The following MAGI1 variants were observed in gnomAD, a reference collection of about 807,000 sequenced individuals.
The protein encoded by MAGI1 is membrane-associated guanylate kinase, WW and PDZ domain-containing protein 1.
A neutral mutation model predicts 139.9 loss-of-function variants in MAGI1; 58 were observed. The ratio of observed to expected loss-of-function variants is 0.41; its 90% CI spans 0.34 to 0.52. MAGI1 has a LOEUF of 0.52. Ranked by LOEUF, MAGI1 falls within the 20% of genes least tolerant of loss-of-function variation. The probability of loss-of-function intolerance (pLI) is 0.12; values close to 1 mark genes in which losing one functional copy is unlikely to be tolerated. For synonymous variants in MAGI1, 812 were observed against 737.9 expected, an observed-to-expected ratio of 1.10 and a Z score of -1.63; for missense variants, 1,874 against 1,901.6, an observed-to-expected ratio of 0.99 and a Z score of 0.27.
intron 5 of MAGI1, among the ~76,000 whole-genome samples, chr3:65,463,086 C>T (rs1949926563): frequency 6.6e-6 from 1 of 152,224 alleles, no homozygotes; most frequent in Non-Finnish European, 1.5e-5. Context: ...TTGACTTCCT[C>T]TCTTCCTATC....
At chr3:65,936,613 T>C (rs921464789) in intron 1 of MAGI1, among the ~76,000 whole-genome samples, 1 of 151,652 alleles carries the variant, frequency 6.6e-6, no homozygotes, top group Non-Finnish European at 1.5e-5. Context: ...AAATCTTATG[T>C]AGATATATAT....
At chr3:65,521,554 C>T (rs1559633992) in intron 2 of MAGI1, among the ~76,000 whole-genome samples, 3 of 152,140 alleles carry the variant, frequency 2.0e-5, no homozygotes, top group Non-Finnish European at 1.5e-5. Context: ...GTATTACTTA[C>T]TGAGTATTAA....
At chr3:65,518,008 A>C (rs1057250432) in intron 2 of MAGI1, among the ~76,000 whole-genome samples, 1 of 152,232 alleles carries the variant, frequency 6.6e-6, no homozygotes, top group African/African-American at 2.4e-5. Context: ...ATCTTTCCAC[A>C]GTAGCATTAG....
chr3:65,573,243 C>A, intron 2 of MAGI1, among the ~76,000 whole-genome samples: 1 of 151,810 alleles, frequency 6.6e-6, no homozygotes, highest in East Asian at 1.9e-4. Context: ...TATTTAAAAT[C>A]ATTAGAACAA....
At chr3:65,924,482 T>C (rs1330686933) in intron 1 of MAGI1, among the ~76,000 whole-genome samples, 1 of 152,198 alleles carries the variant, frequency 6.6e-6, no homozygotes, top group African/African-American at 2.4e-5. Flanking sequence ...TGAATTTATA[T>C]AACACAAGGA....
intron 1 of MAGI1, among the ~76,000 whole-genome samples, chr3:65,635,433 A>G (rs2084555740): frequency 6.6e-6 from 1 of 152,184 alleles, no homozygotes; most frequent in Non-Finnish European, 1.5e-5. Flanking sequence ...TCAATATAAA[A>G]ACCAAAGACT....
chr3:65,780,706 T>C (rs751303276), intron 1 of MAGI1, among the ~76,000 whole-genome samples: 1 of 152,188 alleles, frequency 6.6e-6, no homozygotes, highest in Non-Finnish European at 1.5e-5. Context: ...TTTATGCTCA[T>C]TTGCAGACTT....
chr3:65,468,550 A>T (rs1222916379), intron 5 of MAGI1, among the ~76,000 whole-genome samples: 1 of 151,250 alleles, frequency 6.6e-6, no homozygotes, highest in East Asian at 2.0e-4. Context: ...TAATTTTTGT[A>T]TTTTTAAATA....
chr3:65,783,254 A>G (rs993987238), intron 1 of MAGI1, among the ~76,000 whole-genome samples: 89 of 152,346 alleles, frequency 5.8e-4, no homozygotes, highest in African/African-American at 2.0e-3. Context: ...CAAGGGACCA[A>G]TAAGCTCAGA....
At chr3:65,357,651 T>C (rs576252582) in intron 22 of MAGI1, among the ~76,000 whole-genome samples, 1 of 152,132 alleles carries the variant, frequency 6.6e-6, no homozygotes, top group Non-Finnish European at 1.5e-5. Context: ...GCAGGAATCA[T>C]CTACATCTTA....
chr3:65,758,657 T>C (rs2036751880), intron 1 of MAGI1, among the ~76,000 whole-genome samples: 1 of 152,180 alleles, frequency 6.6e-6, no homozygotes, highest in East Asian at 1.9e-4. Context: ...TACTGGCATC[T>C]AGTGGGTAGA....
At chr3:65,427,087 G>C (rs1415661231) in intron 12 of MAGI1, among the ~76,000 whole-genome samples, 1 of 152,210 alleles carries the variant, frequency 6.6e-6, no homozygotes, top group Non-Finnish European at 1.5e-5. Flanking sequence ...GCCGAGGCAG[G>C]TGGATCCCTT....
At chr3:65,553,778 T>C (rs1326673585) in intron 2 of MAGI1, among the ~76,000 whole-genome samples, 2 of 152,220 alleles carry the variant, frequency 1.3e-5, no homozygotes, top group East Asian at 3.8e-4. Flanking sequence ...GTTTAGACCT[T>C]GGACTCTGCA....
chr3:65,836,712 G>A (rs770280674), intron 1 of MAGI1, among the ~76,000 whole-genome samples: 5 of 152,022 alleles, frequency 3.3e-5, no homozygotes, highest in Non-Finnish European at 5.9e-5. Context: ...CCAGCTACTC[G>A]GGTGGCTGAG....
At chr3:65,966,894 C>T (rs1220574122) in intron 1 of MAGI1, among the ~76,000 whole-genome samples, 3 of 152,210 alleles carry the variant, frequency 2.0e-5, no homozygotes, top group African/African-American at 4.8e-5. Flanking sequence ...AGCACTTACT[C>T]TCTTTCATAT....
At chr3:65,953,306 C>A (rs572930434) in intron 1 of MAGI1, among the ~76,000 whole-genome samples, 12 of 152,282 alleles carry the variant, frequency 7.9e-5, no homozygotes, top group African/African-American at 2.9e-4. Flanking sequence ...AACCAAAGGC[C>A]TTCATGAGGA....
chr3:66,027,140 T>C (rs922032955), intron 1 of MAGI1, among the ~76,000 whole-genome samples: 2 of 151,432 alleles, frequency 1.3e-5, no homozygotes, highest in Admixed American at 6.6e-5. Context: ...TGGTGGCGGG[T>C]GCCTGTAGTC....
chr3:65,505,799 G>C (rs898495267), intron 2 of MAGI1, among the ~76,000 whole-genome samples: 3 of 151,780 alleles, frequency 2.0e-5, no homozygotes, highest in African/African-American at 7.3e-5. Context: ...TTAAAGGAGT[G>C]AATATTATTA....
chr3:65,578,168 G>C (rs1414338154), intron 2 of MAGI1, among the ~76,000 whole-genome samples: 1 of 152,170 alleles, frequency 6.6e-6, no homozygotes, highest in African/African-American at 2.4e-5. Flanking sequence ...ACCAGGCTAT[G>C]TATTCCTTTT....
Sources: gnomAD v4.1 joint callset for allele counts (sites outside exome capture counted in the v4.1 genomes callset) on GRCh38, gnomAD v4.1.1 for gene constraint, MANE v1.5 for transcripts, NCBI Gene and HGNC (gene_info 2026-07-23, HGNC 2026-07-21) for gene names.